Variants in ALCAM observed in about 807,000 individuals in gnomAD.
ALCAM encodes the protein activated leukocyte cell adhesion molecule, also known as CD166 antigen.
Under a neutral mutation model 70.9 loss-of-function variants are expected in ALCAM, and 30 were observed. The ratio of observed to expected loss-of-function variants is 0.42; its 90% CI spans 0.32 to 0.57. The LOEUF is 0.57. ALCAM is among the 20% of genes least tolerant of loss of function. The probability of loss-of-function intolerance (pLI) is 0.11; values close to 1 mark genes in which losing one functional copy is unlikely to be tolerated. For synonymous variants in ALCAM, 249 were observed against 242.5 expected, an observed-to-expected ratio of 1.03 and a Z score of -0.25; for missense variants, 591 against 695.1, an observed-to-expected ratio of 0.85 and a Z score of 1.68.
At chr3:105,553,823 C>G (rs1414488576) in intron 14 of ALCAM, among the ~76,000 whole-genome samples, 1 of 151,912 alleles carries the variant, frequency 6.6e-6, no homozygotes. Context: ...GTTTGTAGGG[C>G]ACAGAATTGT....
At chr3:105,465,144 GTT>G (rs1292309409) in intron 1 of ALCAM, among the ~76,000 whole-genome samples, 2 of 151,418 alleles carry the variant, frequency 1.3e-5, no homozygotes, top group African/African-American at 4.8e-5. Context: ...TGTGTATATT[GTT>G]CATGAGCTCA....
rs1940356884 is a variant in ALCAM at position 105,550,145 on chromosome 3, A to C, written c.1393A>C (p.Ile465Leu). 2 of 1,594,682 alleles carry C rather than the reference A, an allele frequency of 1.3e-6. No homozygotes were observed. Reference protein sequence around the residue: ...VINQTEESPYINGRYYSKIII... With the variant: ...VINQTEESPYLNGRYYSKIII... ...TTTCCAGACAGAGGAATCTCCTTAT[A>C]TTAATGGCAGGTATTATAGTAAAAT... The change falls in exon 12 of 16, where the codon ATT (isoleucine) becomes CTT (leucine). Residue 465 changes from isoleucine (I) to leucine (L), a missense_variant. Ile to Leu is a conservative substitution (Grantham distance 5). Transcript: ENST00000306107.
chr3:105,572,549 T>A (rs1940881284), intron 15 of ALCAM, among the ~76,000 whole-genome samples: 1 of 152,140 alleles, frequency 6.6e-6, no homozygotes, highest in South Asian at 2.1e-4. Context: ...AACATACATG[T>A]GGATGTGTGT....
chr3:105,432,195 T>C (rs1936951820), intron 1 of ALCAM, among the ~76,000 whole-genome samples: 1 of 152,152 alleles, frequency 6.6e-6, no homozygotes, highest in Non-Finnish European at 1.5e-5. Flanking sequence ...AATATACAAC[T>C]TGCAAATTTT....
intron 9 of ALCAM, among the ~76,000 whole-genome samples, 187 bp downstream of exon 9, chr3:105,545,522 C>T (rs1940225154): frequency 6.6e-6 from 1 of 151,338 alleles, no homozygotes; most frequent in African/African-American, 2.4e-5. Context: ...AACACGGTGA[C>T]ATCCATAATT....
At chr3:105,484,841 A>C (rs1938379335) in intron 1 of ALCAM, among the ~76,000 whole-genome samples, 1 of 152,100 alleles carries the variant, frequency 6.6e-6, no homozygotes, top group South Asian at 2.1e-4. Context: ...TCTCAGCCAG[A>C]AAAACAACTG....
At chr3:105,486,020 G>A (rs1391681997) in intron 1 of ALCAM, among the ~76,000 whole-genome samples, 2 of 152,040 alleles carry the variant, frequency 1.3e-5, no homozygotes, top group Non-Finnish European at 2.9e-5. Context: ...TTCATAGAAA[G>A]TTATTGGTAT....
At chr3:105,384,994 C>T (rs559062069) in intron 1 of ALCAM, among the ~76,000 whole-genome samples, 1 of 151,570 alleles carries the variant, frequency 6.6e-6, no homozygotes, top group East Asian at 1.9e-4. Context: ...ATCAAAGAGG[C>T]TACATGACAA....
intron 14 of ALCAM, among the ~76,000 whole-genome samples, chr3:105,563,554 C>T (rs1940673761): frequency 6.6e-6 from 1 of 151,388 alleles, no homozygotes; most frequent in Admixed American, 6.6e-5. Flanking sequence ...GCACTGTTAC[C>T]TGTGTTCCAC....
At chr3:105,455,552 A>T (rs190605777) in intron 1 of ALCAM, among the ~76,000 whole-genome samples, 1 of 152,302 alleles carries the variant, frequency 6.6e-6, no homozygotes, top group Admixed American at 6.5e-5. Context: ...AAAAGTACAG[A>T]TGGAACTGTG....
intron 1 of ALCAM, among the ~76,000 whole-genome samples, chr3:105,487,198 G>A (rs1292605379): frequency 6.6e-6 from 1 of 151,938 alleles, no homozygotes; most frequent in Non-Finnish European, 1.5e-5. Context: ...TTGTCATTTT[G>A]GATAACAAGG....
chr3:105,573,112 A>G (rs530584912), intron 15 of ALCAM, among the ~76,000 whole-genome samples: 121 of 152,182 alleles, frequency 8.0e-4, no homozygotes, highest in African/African-American at 2.7e-3. Context: ...ATCACTGGAG[A>G]CTAGAAGCTC....
chr3:105,506,782 G>A (rs560405139), intron 1 of ALCAM, among the ~76,000 whole-genome samples: 2 of 152,330 alleles, frequency 1.3e-5, no homozygotes, highest in South Asian at 4.1e-4. Context: ...TGAACCAAAT[G>A]TATTAGCACC....
chr3:105,404,015 A>G (rs1936156508), intron 1 of ALCAM, among the ~76,000 whole-genome samples: 2 of 151,544 alleles, frequency 1.3e-5, no homozygotes, highest in Non-Finnish European at 2.9e-5. Context: ...AGTCTTTTGA[A>G]TTAACCCAAT....
At chr3:105,565,331 T>G (rs1219249834) in intron 14 of ALCAM, among the ~76,000 whole-genome samples, 1 of 152,218 alleles carries the variant, frequency 6.6e-6, no homozygotes, top group Admixed American at 6.5e-5. Flanking sequence ...GCCTTTACTG[T>G]TTTGAAAAGA....
chr3:105,438,533 T>A (rs891438510), intron 1 of ALCAM, among the ~76,000 whole-genome samples: 5 of 152,208 alleles, frequency 3.3e-5, no homozygotes, highest in Non-Finnish European at 7.3e-5. Context: ...ATAGAATAGA[T>A]ACCAAAATTA....
At chr3:105,568,190 G>C (rs1940787749) in intron 14 of ALCAM, among the ~76,000 whole-genome samples, 1 of 151,450 alleles carries the variant, frequency 6.6e-6, no homozygotes, top group African/African-American at 2.4e-5. Context: ...AGCCTCCCAA[G>C]TAGCTGGGAT....
chr3:105,375,872 C>T (rs1429668143), intron 1 of ALCAM, among the ~76,000 whole-genome samples: 6 of 152,134 alleles, frequency 3.9e-5, no homozygotes, highest in African/African-American at 1.4e-4. Context: ...GGCTAGGATA[C>T]GGTTGTAGTC....
At chr3:105,397,008 C>T (rs1271028793) in intron 1 of ALCAM, among the ~76,000 whole-genome samples, 4 of 151,766 alleles carry the variant, frequency 2.6e-5, no homozygotes, top group South Asian at 2.1e-4. Flanking sequence ...CCTTTTTTTG[C>T]GAGGCTATAT....
Sources: allele counts gnomAD v4.1 joint callset (sites outside exome capture counted in the v4.1 genomes callset), GRCh38; gene constraint gnomAD v4.1.1; transcripts MANE v1.5; gene names NCBI Gene and HGNC (gene_info 2026-07-23, HGNC 2026-07-21).